ALDH1L2: variants seen among roughly 807,000 people sequenced by gnomAD.
ALDH1L2 encodes the protein mitochondrial 10-formyltetrahydrofolate dehydrogenase.
Under a neutral mutation model 111.0 loss-of-function variants are expected in ALDH1L2, and 91 were observed. The ratio of observed to expected loss-of-function variants is 0.82; its 90% CI spans 0.69 to 0.98. ALDH1L2 has a LOEUF of 0.98. Ranked by LOEUF, ALDH1L2 falls within the 50% of genes least tolerant of loss-of-function variation. ALDH1L2 has a pLI of 0.00. For missense variants in ALDH1L2, 995 were observed against 1,126.8 expected, an observed-to-expected ratio of 0.88 and a Z score of 1.67; for synonymous variants, 374 against 392.6, an observed-to-expected ratio of 0.95 and a Z score of 0.56.
At chr12:105,076,676 A>G (rs1000247947) in intron 1 of ALDH1L2, among the ~76,000 whole-genome samples, 2 of 152,222 alleles carry the variant, frequency 1.3e-5, no homozygotes, top group Non-Finnish European at 2.9e-5. Context: ...AAAGTGTGTA[A>G]TGCATTAGCA....
chr12:105,030,731 T>C (rs992272241), intron 20 of ALDH1L2, among the ~76,000 whole-genome samples: 3 of 152,218 alleles, frequency 2.0e-5, no homozygotes, highest in African/African-American at 4.8e-5. Context: ...ATTCCAGATA[T>C]CATAATTTTA....
At chr12:105,071,640 A>G (rs561245170) in intron 2 of ALDH1L2, among the ~76,000 whole-genome samples, 1 of 12,732 alleles carries the variant, frequency 7.9e-5, no homozygotes, top group African/African-American at 3.9e-4. Flanking sequence ...ATATATATAT[A>G]TATTTTTTTT....
intron 10 of ALDH1L2, among the ~76,000 whole-genome samples, chr12:105,055,500 A>T (rs1005205594): frequency 2.6e-5 from 4 of 152,198 alleles, no homozygotes; most frequent in Admixed American, 1.3e-4. Context: ...TTAAATGACC[A>T]CCTTTCAACA....
Position 105,021,010 on chromosome 12 carries a change from G to A in ALDH1L2, c.*3414C>T, listed in dbSNP as rs1371932608. ...ACCAGCACACCCCTGGGAAGAGGAA[G>A]AATAAGGACAGAGGCCCTGAGGCAG... is the stretch of plus-strand genomic sequence containing the variant. On this transcript the variant is annotated 3_prime_UTR_variant, in exon 23 of 23. Coordinates refer to ENST00000258494, the MANE Select transcript of ALDH1L2 (RefSeq NM_001034173.4). The A allele has an allele frequency of 6.6e-6, 1 of 152,284 alleles. No individual in the cohort carries two copies. Among genetic ancestry groups the A allele is most frequent in the African/African-American group, 2.4e-5 (1 of 41,448 alleles). 9.4% of individuals were successfully genotyped at this position (152,284 alleles called of 1,614,324 possible).
chr12:105,072,227 T>A (rs1025313267), intron 2 of ALDH1L2: 22 of 148,122 alleles, frequency 1.5e-4, no homozygotes, highest in African/African-American at 4.9e-4. Context: ...TATTATATAT[T>A]ACTTGTATAA....
At chr12:105,035,959 G>T (rs12828369) in intron 18 of ALDH1L2, among the ~76,000 whole-genome samples, 1 of 81,924 alleles carries the variant, frequency 1.2e-5, no homozygotes, top group South Asian at 3.4e-4. Flanking sequence ...ATATATATAC[G>T]TATATTTATA....
At chr12:105,040,107 C>A (rs7133801) in intron 16 of ALDH1L2, among the ~76,000 whole-genome samples, 44,561 of 124,474 alleles carry the variant, frequency 0.36, 7,745 homozygotes, top group South Asian at 0.53. Context: ...GCCGGGGCAA[C>A]AGAGTGAGAC....
chr12:105,081,408 C>T (rs1021992703), intron 1 of ALDH1L2, among the ~76,000 whole-genome samples: 5 of 152,102 alleles, frequency 3.3e-5, no homozygotes, highest in African/African-American at 1.2e-4. Context: ...AGAAATAAAG[C>T]AGGTACTTGG....
intron 15 of ALDH1L2, among the ~76,000 whole-genome samples, chr12:105,045,749 G>A (rs1429611132): frequency 2.6e-5 from 4 of 152,168 alleles, no homozygotes; most frequent in African/African-American, 7.2e-5. Context: ...ACATGACCAT[G>A]TAGCTATGCC....
At chr12:105,026,050 A>G (rs146057843) in intron 22 of ALDH1L2, among the ~76,000 whole-genome samples, 12 of 152,134 alleles carry the variant, frequency 7.9e-5, no homozygotes, top group South Asian at 2.1e-4. Context: ...GCTTTTTACA[A>G]ACTCTTAAGT....
chr12:105,049,701 C>T (rs1876132120), intron 13 of ALDH1L2: 2 of 518,668 alleles, frequency 3.9e-6, no homozygotes, highest in African/African-American at 4.0e-5. Flanking sequence ...ACTTCCCGGC[C>T]TCCAGAACTG....
rs761781515 is a variant in ALDH1L2, at chr12:105,038,177, C to T, written c.2071G>A (p.Val691Ile). 6.2e-6 allele frequency: 10 copies of T among 1,610,744 alleles called. No homozygotes were observed. Among genetic ancestry groups the T allele is most frequent in the Non-Finnish European group, 8.5e-6 (10 of 1,177,976 alleles). ...GACTTGCCACCAAGCTCAAGGGAAA[C>T]TTTCTTCAAGTTGCTAACAGCACAG... ...KSCAVSNLKKVSLELGGKSPL... is the reference protein window; with the variant it reads ...KSCAVSNLKKISLELGGKSPL... The change falls in exon 18 of 23, where the codon GTT (valine) becomes ATT (isoleucine). Residue 691 changes from valine (V) to isoleucine (I), a missense_variant. Transcript: ENST00000258494.
chr12:105,079,840 C>A (rs1298580887), intron 1 of ALDH1L2, among the ~76,000 whole-genome samples: 1 of 152,156 alleles, frequency 6.6e-6, no homozygotes, highest in Non-Finnish European at 1.5e-5. Flanking sequence ...GGTGTGAATT[C>A]TACAGACCTT....
chr12:105,027,819 G>A (rs1226576865), intron 21 of ALDH1L2, among the ~76,000 whole-genome samples: 2 of 152,190 alleles, frequency 1.3e-5, no homozygotes, highest in African/African-American at 4.8e-5. Flanking sequence ...CCCGAGGGCA[G>A]GGATAACTTT....
chr12:105,021,225 G>A lies in ALDH1L2; in HGVS notation c.*3199C>T, dbSNP rs1874143919. The A allele has an allele frequency of 6.6e-6, 1 of 152,264 alleles. No individual in the cohort carries two copies. Among genetic ancestry groups the A allele is most frequent in the Non-Finnish European group, 1.5e-5 (1 of 68,084 alleles). 9.4% of individuals were successfully genotyped at this position (152,264 alleles called of 1,614,324 possible). ...TTAAACAGACGAGTGAAGTGACACT[G>A]TCTGACTTAAGCTTTGAACAGGACC... On this transcript the variant is annotated 3_prime_UTR_variant, in exon 23 of 23. Coordinates refer to ENST00000258494, the MANE Select transcript of ALDH1L2 (RefSeq NM_001034173.4).
intron 1 of ALDH1L2, among the ~76,000 whole-genome samples, chr12:105,083,282 G>A (rs568588379): frequency 2.0e-4 from 30 of 152,264 alleles, no homozygotes; most frequent in Admixed American, 1.2e-3. Flanking sequence ...GCTAATGAGG[G>A]GTCCAGGAGA....
At chr12:105,075,891 A>C (rs762124575) in intron 1 of ALDH1L2, among the ~76,000 whole-genome samples, 1 of 152,044 alleles carries the variant, frequency 6.6e-6, no homozygotes, top group Non-Finnish European at 1.5e-5. Context: ...GTTCAAGTGA[A>C]TCTTGTGCTT....
rs182783721 is a variant in ALDH1L2, at chr12:105,038,621, C to T, written c.2046-419G>A. On this transcript the variant is annotated intron_variant, in intron 17 of 22. Transcript: ENST00000258494. ...ATTCAAAGCTGCAGTGAGCTGTGAT[C>T]ACCACTGCACTCCAGCCTGGGTGAC... is the stretch of plus-strand genomic sequence containing the variant. Among the ~76,000 whole-genome samples the T allele has an allele frequency of 6.3e-4, 96 of 152,142 alleles. 1 individual carries two copies. Among genetic ancestry groups the T allele is most frequent in the African/African-American group, 2.2e-3 (92 of 41,504 alleles).
At chr12:105,069,989 G>T (rs1468941416) in intron 3 of ALDH1L2, among the ~76,000 whole-genome samples, 1 of 152,144 alleles carries the variant, frequency 6.6e-6, no homozygotes, top group Non-Finnish European at 1.5e-5. Context: ...AAGTAATTCA[G>T]CATTTCCTGA....
Sources: allele counts gnomAD v4.1 joint callset (sites outside exome capture counted in the v4.1 genomes callset), GRCh38; gene constraint gnomAD v4.1.1; transcripts MANE v1.5; gene names NCBI Gene and HGNC (gene_info 2026-07-23, HGNC 2026-07-21).